LAMB2: variants seen among roughly 807,000 people sequenced by gnomAD.
The protein encoded by LAMB2 is laminin subunit beta 2, also known as laminin subunit beta-2.
A neutral mutation model predicts 202.7 loss-of-function variants in LAMB2; 119 were observed. That is an observed-to-expected ratio of 0.59 (90% CI 0.51 to 0.68). The LOEUF is 0.68. Ranked by LOEUF, LAMB2 falls within the 30% of genes least tolerant of loss-of-function variation. The pLI is 0.00. For missense variants in LAMB2, 2,124 were observed against 2,410.6 expected, an observed-to-expected ratio of 0.88 and a Z score of 2.49; for synonymous variants, 818 against 902.2, an observed-to-expected ratio of 0.91 and a Z score of 1.67.
Position 49,132,855 on chromosome 3 carries a change from A to T in LAMB2, c.13T>A (p.Ser5Thr). Reference protein sequence around the residue: MELTSRERGRGQPLP... With the variant: MELTTRERGRGQPLP... Reference sequence around the variant, plus strand: ...GGCTGTCCCCTCCCTCTTTCCCTTGAGGTCAGCTCCATCCTGAAGAGGGGA... The same window carrying T: ...GGCTGTCCCCTCCCTCTTTCCCTTGTGGTCAGCTCCATCCTGAAGAGGGGA... The change falls in exon 1 of 32, where the codon TCA becomes ACA. Residue 5 changes from serine (S) to threonine (T), a missense_variant. Coordinates refer to ENST00000305544, the MANE Select transcript of LAMB2 (RefSeq NM_002292.4). The surrounding 1 kb of genome is among the most constrained non-coding windows in gnomAD (Gnocchi z 4.6). The T allele has an allele frequency of 4.3e-6, 7 of 1,614,010 alleles. No homozygotes were observed. The highest frequency in any genetic ancestry group is 5.9e-6 in the Non-Finnish European group (7 of 1,179,990).
In LAMB2 at chr3:49,129,778, G is replaced by A; in HGVS notation, c.1405+61C>T. On this transcript the variant is annotated intron_variant, in intron 10 of 31. Coordinates refer to ENST00000305544, the MANE Select transcript of LAMB2 (RefSeq NM_002292.4). The surrounding 1 kb of genome is among the most constrained non-coding windows in gnomAD (Gnocchi z 6.1). The stretch of plus-strand genomic sequence containing the variant: ...TGTGGCAGTGCTCATGTTCAGCTGA[G>A]TCAGGAGTAAGAGGACAGGGGTTAA... The A allele has an allele frequency of 1.2e-6, 2 of 1,610,104 alleles. No individual in the cohort carries two copies. The highest frequency in any genetic ancestry group is 1.7e-6 in the Non-Finnish European group (2 of 1,176,508).
chr3:49,123,495 G>A lies in LAMB2; in HGVS notation c.3934C>T (p.Arg1312Trp), dbSNP rs2045374259. 3 of 1,614,154 alleles carry A rather than the reference G, an allele frequency of 1.9e-6. No homozygotes were observed. The highest frequency in any genetic ancestry group is 1.1e-5 in the South Asian group (1 of 91,082). Residue 1312 changes from arginine to tryptophan, a missense_variant, in exon 25 of 32, where the codon CGG becomes TGG. Arg to Trp is a moderately radical substitution (Grantham distance 101, BLOSUM62 -3). This residue lies in a region of LAMB2 where 1,702 missense variants were observed against 1,896.3 expected (regional missense o/e 0.90). Transcript: ENST00000305544. ...RDRLALNLTL[R>W]QLDQHLDLLK... ...AAGTCAAGATGCTGGTCGAGCTGCCGCAGTGTGAGATTAAGTGCAAGCCTA... is the reference window on the plus strand; with the variant it reads ...AAGTCAAGATGCTGGTCGAGCTGCCACAGTGTGAGATTAAGTGCAAGCCTA...
Position 49,122,037 on chromosome 3 carries a change from T to G in LAMB2, c.4830A>C (p.Ala1610=), listed in dbSNP as rs769970074. The change falls in exon 29 of 32, where the codon GCA becomes GCC. Residue 1610 remains alanine (A), a synonymous_variant. Coordinates refer to ENST00000305544, the MANE Select transcript of LAMB2 (RefSeq NM_002292.4). The part of the protein sequence containing the change: ...EKQKAETVQA[A]LEEAQRAQGI... ...CCTGTGCCCGCTGGGCCTCCTCCAG[T>G]GCTGCCTGTACTGTCTCTGCCTTCT... 6.2e-7 allele frequency: 1 copy of G among 1,613,746 alleles called. No homozygotes were observed. Among genetic ancestry groups the G allele is most frequent in the Non-Finnish European group, 8.5e-7 (1 of 1,180,038 alleles).
rs761023652 is a variant in LAMB2 at position 49,129,858 on chromosome 3, A to C, written c.1386T>G (p.Ser462Arg). The C allele has an allele frequency of 9.3e-6, 15 of 1,613,742 alleles. No homozygotes were observed. The East Asian group carries it at 3.3e-4, about 36-fold the overall frequency. ...ACATACGCCGGCAGCCCAGACGGTCACTGATGCTGAGCCCAAAGAAGCCAT... is the reference window on the plus strand; with the variant it reads ...ACATACGCCGGCAGCCCAGACGGTCCCTGATGCTGAGCCCAAAGAAGCCAT... ...CRDGFFGLSI[S>R]DRLGCRRCQC... Residue 462 changes from serine to arginine, a missense_variant, in exon 10 of 32, where the codon AGT becomes AGG. Physicochemically the swap from Ser to Arg is moderately radical, Grantham distance 110. Transcript: ENST00000305544. This position sits in a 1 kb window ranked among gnomAD's most constrained non-coding sequence, Gnocchi z 6.1.
chr3:49,127,467 A>G (rs1209084270), intron 15 of LAMB2, among the ~76,000 whole-genome samples: 1 of 151,822 alleles, frequency 6.6e-6, no homozygotes, highest in East Asian at 1.9e-4. Context: ...AGGCCGAGAA[A>G]GGTGGATCAC....
At chr3:49,126,598 A>C in intron 15 of LAMB2, 101 bp from the exon 16 acceptor site, 1 of 1,500,858 alleles carries the variant, frequency 6.7e-7, no homozygotes, top group South Asian at 1.2e-5. Flanking sequence ...CCATTGGCCA[A>C]AGCAGAGACT....
Position 49,121,469 on chromosome 3 carries a change from A to G in LAMB2, c.5224T>C (p.Leu1742=), listed in dbSNP as rs201704175. ...EQLRDEARDL[L]QAAQDKLQRL... ...TGCAGCTTGTCCTGAGCGGCTTGCA[A>G]CAGGTCCCGAGCCTCATCCCGCAGT... is the stretch of plus-strand genomic sequence containing the variant. Residue 1742 remains leucine, a synonymous_variant, in exon 31 of 32, where the codon TTG becomes CTG. Transcript: ENST00000305544. 6.8e-6 allele frequency: 11 copies of G among 1,613,958 alleles called. No individual in the cohort carries two copies. In the Admixed American group the frequency reaches 1.7e-4, roughly 24 times the overall value.
rs758732271 is a variant in LAMB2, at chr3:49,123,191, C to T, written c.4165G>A (p.Ala1389Thr). 6.2e-7 allele frequency: 1 copy of T among 1,613,916 alleles called. No individual in the cohort carries two copies. The change falls in exon 26 of 32, where the codon GCA (alanine) becomes ACA (threonine). Residue 1389 changes from alanine to threonine, a missense_variant. Ala to Thr is a moderately conservative substitution (Grantham distance 58). Transcript: ENST00000305544. The part of the protein sequence containing the change: ...FNSKHMANQR[A>T]LGKLSAHTHT... ...GTATGGGCAGAGAGCTTGCCAAGTGCCCGCTGGTTGGCCATGTGTTTGCTG... is the reference window on the plus strand; with the variant it reads ...GTATGGGCAGAGAGCTTGCCAAGTGTCCGCTGGTTGGCCATGTGTTTGCTG...
rs1292477820 is a variant in LAMB2, at chr3:49,125,086, C to T, written c.2804G>A (p.Ser935Asn). 19 of 1,613,818 alleles carry T rather than the reference C, an allele frequency of 1.2e-5. No homozygotes were observed. Among genetic ancestry groups the T allele is most frequent in the African/African-American group, 2.7e-5 (2 of 74,950 alleles). ...GCAAGAAGTAGCAAAGTGCCGTTGGCTCCCAGGGCCTTCAGGACAGGGACA... is the reference window on the plus strand; with the variant it reads ...GCAAGAAGTAGCAAAGTGCCGTTGGTTCCCAGGGCCTTCAGGACAGGGACA... ...RPCPCPEGPG[S>N]QRHFATSCHQ... The change falls in exon 20 of 32, where the codon AGC (serine) becomes AAC (asparagine). Residue 935 changes from serine to asparagine, a missense_variant. This residue lies in a region of LAMB2 where 1,702 missense variants were observed against 1,896.3 expected (regional missense o/e 0.90). Transcript: ENST00000305544.
rs1301475166 is a variant in LAMB2 at position 49,122,987 on chromosome 3, A to G, written c.4290T>C (p.Asp1430=). Residue 1430 remains aspartate (D), a synonymous_variant, in exon 27 of 32, where the codon GAT becomes GAC. Transcript: ENST00000305544. ...TSPCGGAGCR[D]EDGQPRCGGL... ...CCCCACAGCGCGGCTGCCCATCCTC[A>G]TCTCGACAGCCGGCACCCCCACAAG... 3.1e-6 allele frequency: 5 copies of G among 1,608,788 alleles called. No homozygotes were observed. The East Asian group carries it at 1.1e-4, about 36-fold the overall frequency.
rs537231973 is a variant in LAMB2 at position 49,124,226 on chromosome 3, C to T, written c.3388G>A (p.Glu1130Lys). The change falls in exon 23 of 32, where the codon GAG becomes AAG. Residue 1130 changes from glutamate (E) to lysine (K), a missense_variant. Glu to Lys is a moderately conservative substitution (Grantham distance 56, BLOSUM62 1). Transcript: ENST00000305544. ...FGGRTCSECQ[E>K]LHWGDPGLQC... ...AACCCAGGGTCTCCCCAGTGGAGCT[C>T]TTGGCACTCAGAACAAGTCCGCCCT... 1 of 1,614,004 alleles carries T rather than the reference C, an allele frequency of 6.2e-7. No individual in the cohort carries two copies. Among genetic ancestry groups the T allele is most frequent in the East Asian group, 2.2e-5 (1 of 44,882 alleles).
chr3:49,121,932 G>A lies in LAMB2; in HGVS notation c.4923+12C>T. 6.2e-7 allele frequency: 1 copy of A among 1,613,818 alleles called. No individual in the cohort carries two copies. Among genetic ancestry groups the A allele is most frequent in the Non-Finnish European group, 8.5e-7 (1 of 1,179,994 alleles). On this transcript the variant is annotated intron_variant, in intron 29 of 31. Transcript: ENST00000305544. ...ATAACCTTGTCCCACTGATGTCCTAGGAAGACCTCACCTGGTACAGGGTCT... is the reference window on the plus strand; with the variant it reads ...ATAACCTTGTCCCACTGATGTCCTAAGAAGACCTCACCTGGTACAGGGTCT...
Position 49,130,052 on chromosome 3 carries a change from C to G in LAMB2, c.1226-34G>C, listed in dbSNP as rs370452266. ...AAAAAGAGATACAGGGTCACTCACC[C>G]TATCTCAACTAGCTCACTGCCAGTC... On this transcript the variant is annotated intron_variant, in intron 9 of 31. Transcript: ENST00000305544. The surrounding 1 kb of genome is among the most constrained non-coding windows in gnomAD (Gnocchi z 5.0). 141 of 1,608,202 alleles carry G rather than the reference C, an allele frequency of 8.8e-5. 1 individual carries two copies. The African/African-American group carries it at 1.6e-3, about 18-fold the overall frequency.
intron 15 of LAMB2, among the ~76,000 whole-genome samples, chr3:49,127,517 A>C (rs1012333807): frequency 6.6e-6 from 1 of 151,904 alleles, no homozygotes; most frequent in African/African-American, 2.4e-5. Flanking sequence ...AACATGGTGA[A>C]ACCCCGTCTC....
chr3:49,130,018 GC>G lies in LAMB2; in HGVS notation c.1226-1del. 1 of 1,613,804 alleles carries G rather than the reference GC, an allele frequency of 6.2e-7. No individual in the cohort carries two copies. The highest frequency in any genetic ancestry group is 8.5e-7 in the Non-Finnish European group (1 of 1,179,926). ...AGAACCCATGGGGTCACAATCACAG[GC>G]TGACGGCAAAAAGAGATACAGGGTC... On this transcript the variant is annotated splice_acceptor_variant, in intron 9 of 31. Transcript: ENST00000305544. LOFTEE classifies it high-confidence loss of function. The surrounding 1 kb of genome is among the most constrained non-coding windows in gnomAD (Gnocchi z 5.0).
rs1378648724 is a variant in LAMB2 at position 49,125,990 on chromosome 3, G to T, written c.2321C>A (p.Thr774Asn). The change falls in exon 17 of 32, where the codon ACC becomes AAC. Residue 774 changes from threonine (T) to asparagine (N), a missense_variant. By Grantham distance (65) the Thr-to-Asn change is moderately conservative (BLOSUM62 0). Around this residue, in one of 3 missense-constraint regions of LAMB2, gnomAD observed 1,702 missense variants for 1,896.3 expected, o/e 0.90. Coordinates refer to ENST00000305544, the MANE Select transcript of LAMB2 (RefSeq NM_002292.4). The part of the protein sequence containing the change: ...ACAPLLISLS[T>N]LIYNGALPCQ... ...ACGCAGGGCACCATTGTAGATGAGG[G>T]TGGACAGGCTGATGAGGAGGGGTGC... is the stretch of plus-strand genomic sequence containing the variant. 1 of 1,614,202 alleles carries T rather than the reference G, an allele frequency of 6.2e-7. No individual in the cohort carries two copies. Among genetic ancestry groups the T allele is most frequent in the East Asian group, 2.2e-5 (1 of 44,882 alleles).
rs751335241 is a variant in LAMB2 at position 49,131,186 on chromosome 3, C to A, written c.713-34G>T. 1 of 1,599,738 alleles carries A rather than the reference C, an allele frequency of 6.3e-7. No individual in the cohort carries two copies. The highest frequency in any genetic ancestry group is 1.7e-5 in the Admixed American group (1 of 59,864). On this transcript the variant is annotated intron_variant, in intron 6 of 31. Coordinates refer to ENST00000305544, the MANE Select transcript of LAMB2 (RefSeq NM_002292.4). This position sits in a 1 kb window ranked among gnomAD's most constrained non-coding sequence, Gnocchi z 5.0. ...GGGGAAGGGGGGCCAACTGACCAGGCAGGCCCTTGCTGCCCCATGTCCACC... is the reference window on the plus strand; with the variant it reads ...GGGGAAGGGGGGCCAACTGACCAGGAAGGCCCTTGCTGCCCCATGTCCACC...
intron 14 of LAMB2, 33 bp downstream of exon 14, chr3:49,128,628 G>T: frequency 6.2e-7 from 1 of 1,614,194 alleles, no homozygotes. Context: ...CACACCCAGA[G>T]GTTCAGCCCC....
chr3:49,121,310 G>A lies in LAMB2; in HGVS notation c.5313C>T (p.Ala1771=). Residue 1771 remains alanine (A), a synonymous_variant, in exon 32 of 32, where the codon GCC becomes GCT. Transcript: ENST00000305544. ...ENERALESKA[A]QLDGLEARMR... is the part of the protein sequence containing the mutation. ...TCCTGGCCTCCAACCCGTCCAACTGGGCTGCCTTACTCTCCAGTGCCCGCT... is the reference window on the plus strand; with the variant it reads ...TCCTGGCCTCCAACCCGTCCAACTGAGCTGCCTTACTCTCCAGTGCCCGCT... 6.2e-7 allele frequency: 1 copy of A among 1,613,652 alleles called. No individual in the cohort carries two copies. Among genetic ancestry groups the A allele is most frequent in the South Asian group, 1.1e-5 (1 of 91,068 alleles).
Sources: gnomAD v4.1 joint callset for allele counts (sites outside exome capture counted in the v4.1 genomes callset) on GRCh38, gnomAD v4.1.1 for gene constraint, gnomAD v4.1.1 regional missense constraint, Gnocchi (gnomAD v3.1) non-coding constraint, MANE v1.5 for transcripts, NCBI Gene and HGNC (gene_info 2026-07-23, HGNC 2026-07-21) for gene names.